Variants in KIAA1549 observed in about 807,000 individuals in gnomAD.
KIAA1549 encodes the protein UPF0606 protein KIAA1549.
KIAA1549 carries 70 observed loss-of-function variants against 156.4 expected under a neutral mutation model. That is an observed-to-expected ratio of 0.45 (90% CI 0.37 to 0.55). The LOEUF (loss-of-function observed/expected upper bound fraction) is 0.55, where lower values mean the gene tolerates loss of function less well. Among genes scored for constraint, KIAA1549 ranks in the 20% least tolerant of loss-of-function variants. KIAA1549 has a pLI of 0.00. For synonymous variants in KIAA1549, 1,103 were observed against 1,066.4 expected (o/e 1.03, Z -0.67); for missense variants, 2,428 against 2,540.9 (o/e 0.96, Z 0.96).
At chr7:138,852,793 C>G (rs571696380) in intron 16 of KIAA1549, among the ~76,000 whole-genome samples, 2 of 152,292 alleles carry the variant, frequency 1.3e-5, no homozygotes, top group African/African-American at 2.4e-5. Context: ...AAAAGAAAAC[C>G]AGAAACTAGA....
intron 1 of KIAA1549, among the ~76,000 whole-genome samples, chr7:138,939,814 T>C (rs748471247): frequency 1.3e-3 from 193 of 152,254 alleles, no homozygotes; most frequent in Non-Finnish European, 7.5e-4. Context: ...CCATCCATTA[T>C]TTCACTAAGG....
chr7:138,908,913 A>C lies in KIAA1549; in HGVS notation c.3276+78T>G. Reference sequence around the variant, plus strand: ...CCGCCACTGGAGGGAATAAGAGTTAAGCACATCTTAAACAATGTGGAACAA... The same window carrying C: ...CCGCCACTGGAGGGAATAAGAGTTACGCACATCTTAAACAATGTGGAACAA... On this transcript the variant is annotated intron_variant, in intron 5 of 19. Transcript: ENST00000422774. 2.6e-6 allele frequency: 4 copies of C among 1,546,060 alleles called. No individual in the cohort carries two copies. In the South Asian group the frequency reaches 3.5e-5, roughly 13 times the overall value.
chr7:138,960,423 C>A (rs1013604797), intron 1 of KIAA1549, among the ~76,000 whole-genome samples: 1 of 151,746 alleles, frequency 6.6e-6, no homozygotes, highest in Non-Finnish European at 1.5e-5. Context: ...ATTCTCCTGC[C>A]TCAGCCTCCC....
chr7:138,885,629 T>C (rs1431455631), intron 10 of KIAA1549, among the ~76,000 whole-genome samples: 2 of 152,224 alleles, frequency 1.3e-5, no homozygotes, highest in Admixed American at 1.3e-4. Flanking sequence ...GGCCATTTAC[T>C]CACAGCTTCT....
chr7:138,977,837 T>C, intron 1 of KIAA1549, among the ~76,000 whole-genome samples: 1 of 152,128 alleles, frequency 6.6e-6, no homozygotes. Flanking sequence ...GTAGCTGGGA[T>C]TACAGGCACA....
At chr7:138,875,813 C>T (rs1381685181) in intron 12 of KIAA1549, among the ~76,000 whole-genome samples, 2 of 151,974 alleles carry the variant, frequency 1.3e-5, no homozygotes, top group East Asian at 1.9e-4. Flanking sequence ...TTTTGTCCCC[C>T]GAGACAGGGT....
chr7:138,917,080 G>A lies in KIAA1549; in HGVS notation c.2546C>T (p.Ser849Leu), dbSNP rs2251220. Residue 849 changes from serine to leucine, a missense_variant, in exon 2 of 20, where the codon TCG (serine) becomes TTG (leucine). Coordinates refer to ENST00000422774, the MANE Select transcript of KIAA1549 (RefSeq NM_001164665.2). ...GAAGGGGGTTGCTTCAGAAACAAAC[G>A]AGGATCCTGATGGCAGGTACGCGTC... ...ITDAYLPSGS[S>L]FVSEATPFPL... 548,256 of 1,607,140 alleles carry A rather than the reference G, an allele frequency of 0.34. 99,961 individuals are homozygous for A. The highest frequency in any genetic ancestry group is 0.71 in the African/African-American group (53,220 of 74,836).
Position 138,917,974 on chromosome 7 carries a change from G to A in KIAA1549, c.1652C>T (p.Ser551Phe), listed in dbSNP as rs369401473. The change falls in exon 2 of 20, where the codon TCC (serine) becomes TTC (phenylalanine). Residue 551 changes from serine (S) to phenylalanine (F), a missense_variant. Ser to Phe is a radical substitution (Grantham distance 155). Coordinates refer to ENST00000422774, the MANE Select transcript of KIAA1549 (RefSeq NM_001164665.2). ...LSVAETQVTP[S>F]SVTTAFFSVI... ...CGAGAAAAATGCAGTGGTCACGCTGGATGGCGTCACTTGGGTTTCAGCAAC... is the reference window on the plus strand; with the variant it reads ...CGAGAAAAATGCAGTGGTCACGCTGAATGGCGTCACTTGGGTTTCAGCAAC... 6.9e-6 allele frequency: 11 copies of A among 1,593,436 alleles called. No homozygotes were observed. Among genetic ancestry groups the A allele is most frequent in the Non-Finnish European group, 9.4e-6 (11 of 1,170,014 alleles).
chr7:138,959,340 C>T (rs1323962509), intron 1 of KIAA1549, among the ~76,000 whole-genome samples: 1 of 152,192 alleles, frequency 6.6e-6, no homozygotes, highest in Non-Finnish European at 1.5e-5. Context: ...TCTACATATT[C>T]ATGCATCCAT....
At chr7:138,925,744 C>T (rs562176155) in intron 1 of KIAA1549, among the ~76,000 whole-genome samples, 4 of 138,482 alleles carry the variant, frequency 2.9e-5, no homozygotes, top group African/African-American at 8.2e-5. Context: ...GTGGGAGGAT[C>T]GCTTGAGCCC....
intron 8 of KIAA1549, among the ~76,000 whole-genome samples, chr7:138,902,574 G>C (rs1007037509): frequency 6.6e-6 from 1 of 152,136 alleles, no homozygotes; most frequent in Non-Finnish European, 1.5e-5. Context: ...TTTTAAATGG[G>C]TCGCATTTCA....
intron 15 of KIAA1549, among the ~76,000 whole-genome samples, chr7:138,866,896 G>C (rs1358767470): frequency 1.3e-5 from 2 of 152,098 alleles, no homozygotes; most frequent in East Asian, 3.9e-4. Context: ...TCGACCTCCT[G>C]GGCTGAAGCG....
chr7:138,890,902 C>T (rs958675585), intron 10 of KIAA1549, among the ~76,000 whole-genome samples: 3 of 152,234 alleles, frequency 2.0e-5, no homozygotes, highest in Non-Finnish European at 4.4e-5. Context: ...TGGCTCTCTG[C>T]CACCTGGCTT....
At chr7:138,909,456 AT>A (rs1437987244) in intron 4 of KIAA1549, among the ~76,000 whole-genome samples, 1 of 152,244 alleles carries the variant, frequency 6.6e-6, no homozygotes, top group African/African-American at 2.4e-5. Flanking sequence ...TATGGGTGAA[AT>A]GACATGATAC....
intron 1 of KIAA1549, among the ~76,000 whole-genome samples, chr7:138,964,953 CTTTG>C (rs1813972153): frequency 6.9e-6 from 1 of 145,860 alleles, no homozygotes; most frequent in Non-Finnish European, 1.5e-5. Context: ...TGTTTTTTTT[CTTTG>C]TTTTTTTTTC....
intron 5 of KIAA1549, among the ~76,000 whole-genome samples, 180 bp from the exon 6 acceptor site, chr7:138,907,282 G>A (rs889244941): frequency 2.0e-5 from 3 of 152,118 alleles, no homozygotes; most frequent in African/African-American, 7.2e-5. Flanking sequence ...CTCAGTTTAT[G>A]GAAAATGTTT....
At chr7:138,911,082 A>T in intron 4 of KIAA1549, 64 bp downstream of exon 4, 1 of 1,116,124 alleles carries the variant, frequency 9.0e-7, no homozygotes, top group Non-Finnish European at 1.2e-6. Context: ...CCAATATTTT[A>T]GAAAGATAAA....
At chr7:138,974,052 G>A (rs1035146575) in intron 1 of KIAA1549, among the ~76,000 whole-genome samples, 1 of 152,198 alleles carries the variant, frequency 6.6e-6, no homozygotes, top group African/African-American at 2.4e-5. Flanking sequence ...ACTGACAGTC[G>A]GAAAGGGAGC....
At chr7:138,941,058 G>A (rs1373700772) in intron 1 of KIAA1549, among the ~76,000 whole-genome samples, 3 of 151,732 alleles carry the variant, frequency 2.0e-5, no homozygotes, top group Non-Finnish European at 4.4e-5. Context: ...TGTTGCCATT[G>A]CTTTTAAAAA....
Sources: allele counts gnomAD v4.1 joint callset (sites outside exome capture counted in the v4.1 genomes callset), GRCh38; gene constraint gnomAD v4.1.1; transcripts MANE v1.5; gene names NCBI Gene and HGNC (gene_info 2026-07-23, HGNC 2026-07-21).